Variants in ZNF544 observed in about 807,000 individuals in gnomAD.
ZNF544 encodes the protein zinc finger protein AF020591.
Under a neutral mutation model 13.5 loss-of-function variants are expected in ZNF544, and 10 were observed. That is an observed-to-expected ratio of 0.74 (90% CI 0.46 to 1.25). ZNF544 has a LOEUF of 1.25. Ranked by LOEUF, ZNF544 falls within the 50% of genes most tolerant of loss-of-function variation. ZNF544 has a pLI of 0.00. For missense variants in ZNF544, 896 were observed against 845.6 expected, an observed-to-expected ratio of 1.06 and a Z score of -0.74; for synonymous variants, 323 against 300.5, an observed-to-expected ratio of 1.07 and a Z score of -0.77.
In ZNF544 at chr19:58,261,972, A is replaced by C; in HGVS notation, c.1366A>C (p.Arg456=). The part of the protein sequence containing the change: ...RWNSNLIVHQ[R]IHTGEKPYEC... Reference sequence around the variant, plus strand: ...GAACTCTAACCTCATTGTACATCAGAGAATTCATACTGGAGAGAAACCGTA... The same window carrying C: ...GAACTCTAACCTCATTGTACATCAGCGAATTCATACTGGAGAGAAACCGTA... Residue 456 remains arginine, a synonymous_variant, in exon 7 of 7, where the codon AGA becomes CGA. Transcript: ENST00000687789. 2 of 1,613,870 alleles carry C rather than the reference A, an allele frequency of 1.2e-6. No individual in the cohort carries two copies. The highest frequency in any genetic ancestry group is 1.7e-6 in the Non-Finnish European group (2 of 1,179,988).
chr19:58,253,880 T>A (rs2046730850), intron 6 of ZNF544, among the ~76,000 whole-genome samples: 1 of 152,240 alleles, frequency 6.6e-6, no homozygotes, highest in Admixed American at 6.5e-5. Flanking sequence ...CCATATATGT[T>A]GACAATTCTG....
At chr19:58,265,483 G>C (rs1200623733), downstream of ZNF544, among the ~76,000 whole-genome samples, 1 of 152,054 alleles carries the variant, frequency 6.6e-6, no homozygotes, top group Non-Finnish European at 1.5e-5. Context: ...TTTTAGTAGA[G>C]ACAAGGTTTC....
In ZNF544 at chr19:58,245,891, T is replaced by C. The variant is rs1358857917; in HGVS notation, c.34-410T>C. 1.8e-5 allele frequency: 4 copies of C among 219,860 alleles called. No individual in the cohort carries two copies. The South Asian group carries it at 2.2e-4, about 12-fold the overall frequency. The allele number at this position is 219,860 out of a possible 1,614,324, so 13.6% of individuals were successfully genotyped here. ...AGAGGTGAGATGCCCAGAAAAGGAA[T>C]GGTACAGACCACATACATGGAGCTG... is the stretch of plus-strand genomic sequence containing the variant. On this transcript the variant is annotated intron_variant, in intron 4 of 6. Transcript: ENST00000687789.
intron 3 of ZNF544, among the ~76,000 whole-genome samples, chr19:58,231,063 C>T (rs1345368192): frequency 3.9e-5 from 6 of 152,112 alleles, no homozygotes; most frequent in African/African-American, 1.2e-4. Flanking sequence ...TCCTATACCA[C>T]CCAGAACTCA....
chr19:58,234,688 G>C (rs181994), intron 3 of ZNF544, among the ~76,000 whole-genome samples: 30,672 of 152,176 alleles, frequency 0.2, 3,740 homozygotes, highest in East Asian at 0.36. Flanking sequence ...TGCAGAAAGG[G>C]AGGCATGTAT....
chr19:58,272,518 T>C lies in ZNF544; in HGVS notation c.245-3805T>C, dbSNP rs113068182. Among the ~76,000 whole-genome samples, 98 of 152,088 alleles carry C rather than the reference T, an allele frequency of 6.4e-4. 1 individual carries two copies. Among genetic ancestry groups the C allele is most frequent in the African/African-American group, 2.2e-3 (93 of 41,482 alleles). Reference sequence around the variant, plus strand: ...CTGCAGTGAGCTGAGATTGCACCACTGCATTCCAGCCTGGGCAACAGAGTG... The same window carrying C: ...CTGCAGTGAGCTGAGATTGCACCACCGCATTCCAGCCTGGGCAACAGAGTG... On this transcript the variant is annotated intron_variant, in intron 5 of 6. Coordinates refer to the ZNF544 transcript ENST00000595981.
At chr19:58,232,667 C>T (rs10403117) in intron 3 of ZNF544, among the ~76,000 whole-genome samples, 13,543 of 150,942 alleles carry the variant, frequency 0.09, 713 homozygotes, top group East Asian at 0.26. Flanking sequence ...CGGTGGCTCA[C>T]GCCTGTAATC....
At chr19:58,251,896 T>C (rs2046351781) in intron 6 of ZNF544, among the ~76,000 whole-genome samples, 2 of 152,312 alleles carry the variant, frequency 1.3e-5, no homozygotes, top group Non-Finnish European at 2.9e-5. Flanking sequence ...TAGTTGATTC[T>C]GAGAACCTTA....
chr19:58,273,482 A>C (rs2050899853), intron 5 of ZNF544, among the ~76,000 whole-genome samples: 1 of 152,006 alleles, frequency 6.6e-6, no homozygotes. Flanking sequence ...CCAGGTCAGG[A>C]GATAGAGACC....
chr19:58,258,497 A>G (rs868740415), intron 6 of ZNF544: 4 of 87,800 alleles, frequency 4.6e-5, no homozygotes, highest in African/African-American at 2.2e-4. Context: ...CGAGGGCACC[A>G]GGTGTGAGGG....
chr19:58,261,535 G>A lies in ZNF544; in HGVS notation c.929G>A (p.Ser310Asn). The A allele has an allele frequency of 6.2e-7, 1 of 1,614,216 alleles. No homozygotes were observed. The highest frequency in any genetic ancestry group is 8.5e-7 in the Non-Finnish European group (1 of 1,180,042). Residue 310 changes from serine to asparagine, a missense_variant, in exon 7 of 7, where the codon AGT becomes AAT. Physicochemically the swap from Ser to Asn is conservative, Grantham distance 46. Transcript: ENST00000687789. ...CDECRETCSE[S>N]LCLVQTERSG... ...GAGTGCAGGGAAACCTGTTCTGAGA[G>A]TCTGTGCCTTGTACAAACAGAAAGA...
chr19:58,230,896 G>C (rs2041064502), intron 3 of ZNF544, among the ~76,000 whole-genome samples: 1 of 152,182 alleles, frequency 6.6e-6, no homozygotes, highest in Non-Finnish European at 1.5e-5. Flanking sequence ...TGTGCCAGGA[G>C]GTTGAAAGAG....
chr19:58,264,608 T>C (rs1483278469), downstream of ZNF544, among the ~76,000 whole-genome samples: 1 of 151,606 alleles, frequency 6.6e-6, no homozygotes, highest in African/African-American at 2.4e-5. Context: ...TGAGAATTGC[T>C]TGAACCTGGG....
chr19:58,277,265 G>A (rs982094900), exon 7 of ZNF544: 11 of 870,778 alleles, frequency 1.3e-5, no homozygotes, highest in South Asian at 6.3e-5. Context: ...CTCAGGAGTC[G>A]GCCAGAAGGA....
At chr19:58,257,494 A>C (rs1238193350) in intron 6 of ZNF544, 1 of 152,226 alleles carries the variant, frequency 6.6e-6, no homozygotes, top group Non-Finnish European at 1.5e-5. Flanking sequence ...GTGAAGTTAC[A>C]AAGTTACGCT....
At chr19:58,276,591 CTGAG>C (rs1173767663) in intron 6 of ZNF544, among the ~76,000 whole-genome samples, 1 of 152,218 alleles carries the variant, frequency 6.6e-6, no homozygotes, top group Non-Finnish European at 1.5e-5. Context: ...CCTCAGCCTC[CTGAG>C]TATCTGGGAT....
rs563193589 is a variant in ZNF544 at position 58,246,428 on chromosome 19, G to T, written c.160+1G>T. On this transcript the variant is annotated splice_donor_variant, in intron 5 of 6. Coordinates refer to ENST00000687789, the MANE Select transcript of ZNF544 (RefSeq NM_014480.4). LOFTEE classifies it high-confidence loss of function. The stretch of plus-strand genomic sequence containing the variant: ...ACCTGGGAGCATATTGTCTCCCTGG[G>T]TAAGTGGCTGTGCTCATGGAAGGAG... 3 of 1,614,024 alleles carry T rather than the reference G, an allele frequency of 1.9e-6. No individual in the cohort carries two copies. Among genetic ancestry groups the T allele is most frequent in the South Asian group, 2.2e-5 (2 of 91,070 alleles).
chr19:58,271,625 C>T (rs1220886678), intron 5 of ZNF544, among the ~76,000 whole-genome samples: 1 of 152,086 alleles, frequency 6.6e-6, no homozygotes, highest in African/African-American at 2.4e-5. Flanking sequence ...TGTCGGGAGG[C>T]TGAGAGGATG....
At chr19:58,266,733 A>G (rs2049966212), downstream of ZNF544, 1 of 111,612 alleles carries the variant, frequency 9.0e-6, no homozygotes, top group South Asian at 3.0e-4. Context: ...GGCATTACCT[A>G]TCTGGCTGTG....
Sources: allele counts gnomAD v4.1 joint callset (sites outside exome capture counted in the v4.1 genomes callset), GRCh38; gene constraint gnomAD v4.1.1; transcripts MANE v1.5; gene names NCBI Gene and HGNC (gene_info 2026-07-23, HGNC 2026-07-21).